The following ABCG5 variants were observed in gnomAD, a reference collection of about 807,000 sequenced individuals.
ABCG5 encodes the protein ATP-binding cassette sub-family G member 5.
ABCG5 carries 64 observed loss-of-function variants against 64.5 expected under a neutral mutation model. That is an observed-to-expected ratio of 0.99 (90% CI 0.81 to 1.22). The LOEUF (loss-of-function observed/expected upper bound fraction) is 1.22, where lower values mean the gene tolerates loss of function less well. Ranked by LOEUF, ABCG5 falls within the 50% of genes most tolerant of loss-of-function variation. The pLI is 0.00. For missense variants in ABCG5, 908 were observed against 829.5 expected, an observed-to-expected ratio of 1.09 and a Z score of -1.16; for synonymous variants, 385 against 326.3, an observed-to-expected ratio of 1.18 and a Z score of -1.94.
chr2:43,824,273 G>A lies in ABCG5; in HGVS notation c.1064C>T (p.Pro355Leu), dbSNP rs1667447985. 1 of 1,614,180 alleles carries A rather than the reference G, an allele frequency of 6.2e-7. No individual in the cohort carries two copies. Among genetic ancestry groups the A allele is most frequent in the East Asian group, 2.2e-5 (1 of 44,886 alleles). Residue 355 changes from proline (P) to leucine (L), a missense_variant, in exon 8 of 13, where the codon CCT (proline) becomes CTT (leucine). Pro to Leu is a moderately conservative substitution (Grantham distance 98). Transcript: ENST00000405322. ...TCCAGGAGAATCTTTGGTTTTGAAA[G>A]GAACCATTGGTAACGTTTTCAGGTG... ...MKHLKTLPMV[P>L]FKTKDSPGVF...
At chr2:43,817,717 C>T (rs1666930705) in intron 11 of ABCG5, among the ~76,000 whole-genome samples, 1 of 152,070 alleles carries the variant, frequency 6.6e-6, no homozygotes, top group Non-Finnish European at 1.5e-5. Flanking sequence ...TGAGACCAAC[C>T]TGGCCAAAAT....
At chr2:43,826,347 C>T (rs775193449) in intron 6 of ABCG5, 35 bp downstream of exon 6, 1 of 1,613,126 alleles carries the variant, frequency 6.2e-7, no homozygotes, top group African/African-American at 1.3e-5. Flanking sequence ...GCTCAACACA[C>T]CATAGACCCG....
downstream of ABCG5, chr2:43,809,804 C>G (rs1424341467): frequency 6.4e-7 from 1 of 1,574,304 alleles, no homozygotes; most frequent in Non-Finnish European, 8.6e-7. Flanking sequence ...TTCTTCTTTT[C>G]CAAATACAAA....
chr2:43,813,708 C>CTTTTTTTTTTTTTTTTTTTTTTTTT (rs1558715512), intron 12 of ABCG5, among the ~76,000 whole-genome samples: 1 of 35,374 alleles, frequency 2.8e-5, no homozygotes, highest in African/African-American at 1.0e-4. Flanking sequence ...TTTTTTTTTT[C>CTTTTTTTTTTTTTTTTTTTTTTTTT]GTTTTTTTTT....
At chr2:43,814,833 T>C (rs1411620810) in intron 11 of ABCG5, among the ~76,000 whole-genome samples, 1 of 152,230 alleles carries the variant, frequency 6.6e-6, no homozygotes, top group Non-Finnish European at 1.5e-5. Flanking sequence ...TTAAAAGTTT[T>C]ATATAAATGG....
At chr2:43,825,767 C>A (rs1311661170) in intron 6 of ABCG5, among the ~76,000 whole-genome samples, 1 of 152,062 alleles carries the variant, frequency 6.6e-6, no homozygotes, top group Non-Finnish European at 1.5e-5. Context: ...CCACCACGCC[C>A]AACTATCAAT....
intron 6 of ABCG5, among the ~76,000 whole-genome samples, chr2:43,825,345 GA>G (rs772132140): frequency 6.6e-6 from 1 of 152,146 alleles, no homozygotes; most frequent in South Asian, 2.1e-4. Flanking sequence ...CAAGCCAAGT[GA>G]GTGACCTCGG....
Position 43,824,409 on chromosome 2 carries a change from G to C in ABCG5, c.928C>G (p.Gln310Glu). 2 of 1,613,978 alleles carry C rather than the reference G, an allele frequency of 1.2e-6. No individual in the cohort carries two copies. The highest frequency in any genetic ancestry group is 1.7e-6 in the Non-Finnish European group (2 of 1,180,034). Residue 310 changes from glutamine (Q) to glutamate (E), a missense_variant, in exon 8 of 13, where the codon CAA becomes GAA. Transcript: ENST00000405322. ...GTTTCTATTTCCCGTTCCTTGCTTTGGGTATCCACTGACGTCAGGTCCACT... is the reference window on the plus strand; with the variant it reads ...GTTTCTATTTCCCGTTCCTTGCTTTCGGTATCCACTGACGTCAGGTCCACT... ...FYMDLTSVDT[Q>E]SKEREIETSK...
At position 43,822,936 on chromosome 2, in the gene ABCG5, C is replaced by G. The variant is rs768019354; in HGVS notation, c.1325-1G>C. 1 of 1,613,816 alleles carries G rather than the reference C, an allele frequency of 6.2e-7. No individual in the cohort carries two copies. The highest frequency in any genetic ancestry group is 8.5e-7 in the Non-Finnish European group (1 of 1,179,904). The stretch of plus-strand genomic sequence containing the variant: ...TCGCTGACAGCTCGCAGCACGGGAA[C>G]TGGGGATGGAAGGCAGGTTTCAGAA... On this transcript the variant is annotated splice_acceptor_variant, in intron 9 of 12. Transcript: ENST00000405322. LOFTEE classifies it high-confidence loss of function.
chr2:43,838,926 G>C (rs934660445), upstream of ABCG5: 2 of 1,214,162 alleles, frequency 1.6e-6, no homozygotes, highest in Admixed American at 4.1e-5. This position sits in a 1 kb window ranked among gnomAD's most constrained non-coding sequence, Gnocchi z 4.2. Context: ...GGAATGCTGG[G>C]AGAGACGGGC....
intron 11 of ABCG5, among the ~76,000 whole-genome samples, chr2:43,818,715 G>A (rs906044511): frequency 3.3e-5 from 5 of 152,074 alleles, no homozygotes; most frequent in South Asian, 2.1e-4. Flanking sequence ...CATGGTCTTC[G>A]TGTGAAAAAA....
downstream of ABCG5, among the ~76,000 whole-genome samples, chr2:43,811,026 T>G (rs767245342): frequency 3.3e-5 from 5 of 152,212 alleles, no homozygotes; most frequent in Non-Finnish European, 7.3e-5. Context: ...TGAAGTCACG[T>G]GTGATGTCAG....
chr2:43,824,206 G>C lies in ABCG5; in HGVS notation c.1118+13C>G, dbSNP rs371609600. 77 of 1,614,110 alleles carry C rather than the reference G, an allele frequency of 4.8e-5. No individual in the cohort carries two copies. In the African/African-American group the frequency reaches 8.3e-4, roughly 17 times the overall value. ...CCTCTAACAGGCATTTCTCACATTT[G>C]TGAGCCTCTTACCTCAGGAGAACAC... On this transcript the variant is annotated intron_variant, in intron 8 of 12. Coordinates refer to ENST00000405322, the MANE Select transcript of ABCG5 (RefSeq NM_022436.3).
Position 43,838,244 on chromosome 2 carries a change from C to T in ABCG5, c.144-289G>A, listed in dbSNP as rs1308153627. 15 of 593,734 alleles carry T rather than the reference C, an allele frequency of 2.5e-5. No individual in the cohort carries two copies. The highest frequency in any genetic ancestry group is 1.6e-4 in the South Asian group (8 of 50,090). The allele number at this position is 593,734 out of a possible 1,614,324, so 36.8% of individuals were successfully genotyped here. ...ACCAGGTTTCAAGACTCCTTGCATT[C>T]GCAGTACCCCCATTCCCATCCACAG... On this transcript the variant is annotated intron_variant, in intron 1 of 12. Transcript: ENST00000405322. This position sits in a 1 kb window ranked among gnomAD's most constrained non-coding sequence, Gnocchi z 4.2.
At chr2:43,808,900 C>T (rs183228930), downstream of ABCG5, among the ~76,000 whole-genome samples, 33 of 151,962 alleles carry the variant, frequency 2.2e-4, no homozygotes, top group African/African-American at 7.0e-4. Context: ...CTTTTACATC[C>T]TTGTGCATTG....
chr2:43,834,787 A>G (rs1668159339), intron 2 of ABCG5, among the ~76,000 whole-genome samples: 1 of 152,224 alleles, frequency 6.6e-6, no homozygotes, highest in Non-Finnish European at 1.5e-5. Flanking sequence ...ACAGCAAATA[A>G]CAATTCAAAT....
chr2:43,822,651 A>T, intron 10 of ABCG5, 146 bp downstream of exon 10: 1 of 1,540,406 alleles, frequency 6.5e-7, no homozygotes, highest in Non-Finnish European at 8.8e-7. Flanking sequence ...ATGTCCTGGA[A>T]GATACGACAT....
intron 10 of ABCG5, 89 bp from the exon 11 acceptor site, chr2:43,820,189 G>A (rs1034288646): frequency 6.8e-7 from 1 of 1,477,150 alleles, no homozygotes; most frequent in South Asian, 1.2e-5. Context: ...AATCCTTTGT[G>A]GTGAGTGGGT....
At chr2:43,808,931 A>C (rs1666374387), downstream of ABCG5, among the ~76,000 whole-genome samples, 1 of 151,062 alleles carries the variant, frequency 6.6e-6, no homozygotes, top group Admixed American at 6.6e-5. Context: ...ATGGATGATA[A>C]ATTTCTAAAA....
Sources: gnomAD v4.1 joint callset for allele counts (sites outside exome capture counted in the v4.1 genomes callset) on GRCh38, gnomAD v4.1.1 for gene constraint, Gnocchi (gnomAD v3.1) non-coding constraint, MANE v1.5 for transcripts, NCBI Gene and HGNC (gene_info 2026-07-23, HGNC 2026-07-21) for gene names.